Variants in ATG7 observed in about 807,000 individuals in gnomAD.
The protein encoded by ATG7 is ubiquitin-like modifier-activating enzyme ATG7.
A neutral mutation model predicts 82.4 loss-of-function variants in ATG7; 70 were observed. That is an observed-to-expected ratio of 0.85 (90% CI 0.70 to 1.04). ATG7 has a LOEUF of 1.04. ATG7 is among the 50% of genes least tolerant of loss of function. The probability of loss-of-function intolerance (pLI) is 0.00; values close to 1 mark genes in which losing one functional copy is unlikely to be tolerated. For synonymous variants in ATG7, 287 were observed against 313.0 expected, an observed-to-expected ratio of 0.92 and a Z score of 0.88; for missense variants, 792 against 864.3, an observed-to-expected ratio of 0.92 and a Z score of 1.05.
rs546777164 is a variant in ATG7 at position 11,552,985 on chromosome 3, A to AC, written c.2080-1822dup. Among the ~76,000 whole-genome samples, 9 of 152,164 alleles carry AC rather than the reference A, an allele frequency of 5.9e-5. No individual in the cohort carries two copies. In the East Asian group the frequency reaches 1.7e-3, roughly 29 times the overall value. On this transcript the variant is annotated intron_variant, in intron 20 of 20. Coordinates refer to ENST00000693202, the MANE Select transcript of ATG7 (RefSeq NM_001349232.2). ...CCCGAGTCCTCTTATGAACAGAACAACCCCAACCACCCATTTGCAGAGGGC... is the reference window on the plus strand; with the variant it reads ...CCCGAGTCCTCTTATGAACAGAACAACCCCCAACCACCCATTTGCAGAGGGC...
At chr3:11,515,676 A>G (rs888516062) in intron 20 of ATG7, among the ~76,000 whole-genome samples, 1 of 152,018 alleles carries the variant, frequency 6.6e-6, no homozygotes, top group Non-Finnish European at 1.5e-5. Flanking sequence ...ATTAAGCCTC[A>G]TAGAACTGTT....
intron 20 of ATG7, among the ~76,000 whole-genome samples, chr3:11,543,408 T>C (rs1575266263): frequency 6.6e-6 from 1 of 151,924 alleles, no homozygotes. Context: ...GCTCCCATCT[T>C]CCCCCCTGCC....
chr3:11,360,631 T>C lies in ATG7; in HGVS notation c.1530T>C (p.His510=), dbSNP rs1384276087. 16 of 1,614,184 alleles carry C rather than the reference T, an allele frequency of 9.9e-6. No individual in the cohort carries two copies. Among genetic ancestry groups the C allele is most frequent in the Non-Finnish European group, 1.4e-5 (16 of 1,180,036 alleles). Residue 510 remains histidine, a synonymous_variant, in exon 16 of 21, where the codon CAT becomes CAC. Transcript: ENST00000693202. ...TTGACACATTTGTTGTCATGAGACA[T>C]GGTCTGAAGAAACCAAAGCAGCAAG... ...LGFDTFVVMR[H]GLKKPKQQGA...
At chr3:11,443,540 C>G (rs2084204972) in intron 20 of ATG7, among the ~76,000 whole-genome samples, 1 of 152,102 alleles carries the variant, frequency 6.6e-6, no homozygotes, top group Non-Finnish European at 1.5e-5. Flanking sequence ...GCATGTGTCA[C>G]TATGTCTGGC....
intron 20 of ATG7, among the ~76,000 whole-genome samples, chr3:11,524,909 A>G (rs963334343): frequency 1.2e-4 from 19 of 152,236 alleles, no homozygotes; most frequent in African/African-American, 4.1e-4. Flanking sequence ...ATGACCCTAA[A>G]TCAGCAGCAG....
chr3:11,316,065 C>G (rs1009776989), intron 9 of ATG7, among the ~76,000 whole-genome samples: 1 of 152,154 alleles, frequency 6.6e-6, no homozygotes. Flanking sequence ...GTTTTCCCTC[C>G]TGATGTATTT....
At chr3:11,573,303 GA>G in the ATG7 span, among the ~76,000 whole-genome samples, 840 of 23,310 alleles carry the variant, frequency 0.036, 70 homozygotes, top group Middle Eastern at 0.081. Flanking sequence ...AAGAAAGAAA[GA>G]AAGGAAGGAA....
At chr3:11,489,484 G>A (rs1444526593) in intron 20 of ATG7, among the ~76,000 whole-genome samples, 2 of 46,526 alleles carry the variant, frequency 4.3e-5, no homozygotes, top group African/African-American at 1.3e-4. Flanking sequence ...ATTTCCTTCA[G>A]TTCTGCTCTT....
intron 18 of ATG7, among the ~76,000 whole-genome samples, chr3:11,379,266 A>G (rs2077688810): frequency 6.6e-6 from 1 of 152,214 alleles, no homozygotes; most frequent in Non-Finnish European, 1.5e-5. Flanking sequence ...GATATATAGA[A>G]CAGCTTAAAG....
In ATG7 at chr3:11,447,910, A is replaced by T. The variant is rs115314502; in HGVS notation, c.2079+20984A>T. ...GGTCCTCCTCAACAAACTGATGCAG[A>T]TGGATGGGTGTTGGGCATATATGAT... On this transcript the variant is annotated intron_variant, in intron 20 of 20. Transcript: ENST00000693202. 6.4e-3 allele frequency among the ~76,000 whole-genome samples: 968 copies of T among 152,322 alleles called. 5 individuals are homozygous for T. Among genetic ancestry groups the T allele is most frequent in the East Asian group, 0.033 (171 of 5,182 alleles).
At chr3:11,282,571 T>C (rs935661761) in intron 3 of ATG7, 133 bp downstream of exon 3, 3 of 152,228 alleles carry the variant, frequency 2.0e-5, no homozygotes, top group African/African-American at 7.2e-5. Context: ...CTTGTGGAGA[T>C]GTTAGTTTTG....
chr3:11,452,384 CA>C (rs34530409), intron 20 of ATG7, among the ~76,000 whole-genome samples: 24 of 58,410 alleles, frequency 4.1e-4, no homozygotes, highest in South Asian at 1.0e-3. Flanking sequence ...GAACCTGTCT[CA>C]AAAAAAAAAA....
intron 3 of ATG7, among the ~76,000 whole-genome samples, chr3:11,284,437 G>C (rs1365864276): frequency 6.6e-6 from 1 of 152,182 alleles, no homozygotes; most frequent in Non-Finnish European, 1.5e-5. Flanking sequence ...GTAATGAATT[G>C]CTTTTTACCA....
rs1014608991 is a variant in ATG7 at position 11,426,989 on chromosome 3, C to T, written c.2079+63C>T. ...ATGCTTAAAACTATTTGATATTCGC[C>T]ATATGGAAAAGGAAGAAAGCAATTA... is the stretch of plus-strand genomic sequence containing the variant. On this transcript the variant is annotated intron_variant, in intron 20 of 20. Transcript: ENST00000693202. 5.4e-6 allele frequency: 8 copies of T among 1,474,488 alleles called. No homozygotes were observed. The Admixed American group carries it at 1.8e-4, about 32-fold the overall frequency. The allele number at this position is 1,474,488 out of a possible 1,614,324, so 91.3% of individuals were successfully genotyped here.
chr3:11,489,367 T>C (rs1486027196), intron 20 of ATG7, among the ~76,000 whole-genome samples: 1 of 152,154 alleles, frequency 6.6e-6, no homozygotes, highest in African/African-American at 2.4e-5. Flanking sequence ...GATTCTTCTC[T>C]CTTTTCTTCT....
chr3:11,559,539 G>A (rs988317011), downstream of ATG7: 51 of 1,434,438 alleles, frequency 3.6e-5, no homozygotes, highest in African/African-American at 7.0e-4. Context: ...CACCCTTCAG[G>A]CTCTGTCCTG....
the ATG7 span, among the ~76,000 whole-genome samples, chr3:11,565,568 G>C: frequency 6.6e-6 from 1 of 152,166 alleles, no homozygotes; most frequent in African/African-American, 2.4e-5. The surrounding 1 kb of genome is among the most constrained non-coding windows in gnomAD (Gnocchi z 4.1). Flanking sequence ...AAGAGTGGTG[G>C]AATAATCAGC....
intron 5 of ATG7, among the ~76,000 whole-genome samples, chr3:11,305,199 C>A (rs891251815): frequency 6.6e-6 from 1 of 152,224 alleles, no homozygotes; most frequent in African/African-American, 2.4e-5. Context: ...TTTTTAAATT[C>A]ATTTTCCTGC....
intron 20 of ATG7, chr3:11,477,002 A>G: frequency 1.0e-6 from 1 of 957,180 alleles, no homozygotes. Context: ...TCTTTATTAC[A>G]GTGTTTTCCG....
Sources: allele counts gnomAD v4.1 joint callset (sites outside exome capture counted in the v4.1 genomes callset), GRCh38; gene constraint gnomAD v4.1.1; non-coding constraint Gnocchi (gnomAD v3.1); transcripts MANE v1.5; gene names NCBI Gene and HGNC (gene_info 2026-07-23, HGNC 2026-07-21).